The following FEM1C variants were observed in gnomAD, a reference collection of about 807,000 sequenced individuals.
FEM1C encodes the protein protein fem-1 homolog C.
FEM1C carries 15 observed loss-of-function variants against 37.6 expected under a neutral mutation model. The observed-to-expected ratio is 0.40, with a 90% CI of 0.27 to 0.61. The LOEUF is 0.61. Ranked by LOEUF, FEM1C falls within the 20% of genes least tolerant of loss-of-function variation. The probability of loss-of-function intolerance (pLI) is 0.42; values close to 1 mark genes in which losing one functional copy is unlikely to be tolerated. For synonymous variants in FEM1C, 287 were observed against 272.8 expected (o/e 1.05, Z -0.51); for missense variants, 532 against 749.7 (o/e 0.71, Z 3.39).
intron 1 of FEM1C, chr5:115,543,952 C>G (rs1427607773): frequency 5.1e-6 from 5 of 985,294 alleles, no homozygotes; most frequent in Non-Finnish European, 6.0e-6. Flanking sequence ...GCCTCCAGCT[C>G]TAACCAGCCA....
rs1372429157 is a variant in FEM1C at position 115,538,156 on chromosome 5, A to C, written c.544+4794T>G. ...GGGTAATTGTTGAAGTAAGATGATG[A>C]ATACATAGTGGTTCAATGTATTCTC... is the stretch of plus-strand genomic sequence containing the variant. On this transcript the variant is annotated intron_variant, in intron 2 of 2. Coordinates refer to ENST00000274457, the MANE Select transcript of FEM1C (RefSeq NM_020177.3). Among the ~76,000 whole-genome samples, 3 of 152,076 alleles carry C rather than the reference A, an allele frequency of 2.0e-5. No individual in the cohort carries two copies. In the East Asian group the frequency reaches 5.8e-4, roughly 29 times the overall value.
intron 2 of FEM1C, among the ~76,000 whole-genome samples, chr5:115,537,387 G>C (rs905431362): frequency 6.6e-6 from 1 of 152,064 alleles, no homozygotes; most frequent in Non-Finnish European, 1.5e-5. Flanking sequence ...CGAACAATAT[G>C]AACAGCAGTA....
At chr5:115,542,799 A>G in intron 2 of FEM1C, 151 bp downstream of exon 2, 1 of 850,694 alleles carries the variant, frequency 1.2e-6, no homozygotes, top group Non-Finnish European at 1.8e-6. Flanking sequence ...CAAACATCAT[A>G]GAAACACTCA....
rs764284851 is a variant in FEM1C, at chr5:115,525,487, A to T, written c.675T>A (p.Gly225=). ...MTPLLSASVT[G]HTNIVDFLTH... ...TCAGAAAATCCACAATATTTGTGTG[A>T]CCAGTCACACTTGCTGAGAGAAGGG... is the stretch of plus-strand genomic sequence containing the variant. Residue 225 remains glycine, a synonymous_variant, in exon 3 of 3, where the codon GGT becomes GGA. Transcript: ENST00000274457. The T allele has an allele frequency of 6.2e-7, 1 of 1,613,714 alleles. No individual in the cohort carries two copies. The highest frequency in any genetic ancestry group is 8.5e-7 in the Non-Finnish European group (1 of 1,179,798).
At chr5:115,535,284 T>A (rs372819048) in intron 2 of FEM1C, among the ~76,000 whole-genome samples, 11 of 140,008 alleles carry the variant, frequency 7.9e-5, no homozygotes, top group Non-Finnish European at 1.1e-4. Context: ...TCAAAAAAGT[T>A]AAAAAAAAAA....
intron 2 of FEM1C, among the ~76,000 whole-genome samples, chr5:115,534,996 C>T (rs1252728238): frequency 6.6e-6 from 1 of 151,898 alleles, no homozygotes; most frequent in Non-Finnish European, 1.5e-5. Context: ...GGCTAGGTCA[C>T]AGCCCTGTTT....
intron 2 of FEM1C, among the ~76,000 whole-genome samples, chr5:115,529,761 T>G (rs549882818): frequency 2.6e-5 from 4 of 152,090 alleles, no homozygotes; most frequent in Non-Finnish European, 5.9e-5. Flanking sequence ...GATCTCTTTC[T>G]TGTAAAGACA....
intron 2 of FEM1C, among the ~76,000 whole-genome samples, chr5:115,537,831 T>TCAA (rs1304770977): frequency 2.0e-5 from 3 of 152,054 alleles, no homozygotes; most frequent in Non-Finnish European, 2.9e-5. Flanking sequence ...ACTTCAGCTT[T>TCAA]CAACACTCAG....
Position 115,543,450 on chromosome 5 carries a change from T to C in FEM1C, c.44A>G (p.Lys15Arg), listed in dbSNP as rs1461327737. 3 of 1,613,808 alleles carry C rather than the reference T, an allele frequency of 1.9e-6. No individual in the cohort carries two copies. The highest frequency in any genetic ancestry group is 2.5e-6 in the Non-Finnish European group (3 of 1,179,962). Residue 15 changes from lysine to arginine, a missense_variant, in exon 2 of 3, where the codon AAA (lysine) becomes AGA (arginine). Coordinates refer to ENST00000274457, the MANE Select transcript of FEM1C (RefSeq NM_020177.3). ...TAVFNAARDGKLRLLTKLLAS... is the reference protein window; with the variant it reads ...TAVFNAARDGRLRLLTKLLAS... ...CAACAATTTGGTGAGAAGCCGGAGT[T>C]TGCCATCCCGAGCTGCGTTAAATAC...
At chr5:115,525,895 T>G (rs1304834453) in intron 2 of FEM1C, among the ~76,000 whole-genome samples, 1 of 152,180 alleles carries the variant, frequency 6.6e-6, no homozygotes, top group African/African-American at 2.4e-5. Context: ...CTTCGTATTT[T>G]TCATTAATGT....
At chr5:115,532,266 G>A (rs1561558391) in intron 2 of FEM1C, among the ~76,000 whole-genome samples, 2 of 152,038 alleles carry the variant, frequency 1.3e-5, no homozygotes, top group African/African-American at 4.8e-5. Flanking sequence ...AAAGTATACA[G>A]ATCCTATATT....
chr5:115,525,702 A>AAATAC, intron 2 of FEM1C, 85 bp from the exon 3 acceptor site: 1 of 1,115,740 alleles, frequency 9.0e-7, no homozygotes. Context: ...TAGAACCTAA[A>AAATAC]GAAAAGCAGG....
intron 2 of FEM1C, among the ~76,000 whole-genome samples, chr5:115,531,363 C>G (rs1754010931): frequency 6.6e-6 from 1 of 152,148 alleles, no homozygotes; most frequent in Non-Finnish European, 1.5e-5. Context: ...AAAGCACTAT[C>G]TGTGTGGAGA....
At position 115,521,894 on chromosome 5, in the gene FEM1C, T is replaced by G. The variant is rs1396966781; in HGVS notation, c.*2414A>C. ...AATTTTGAGCTATTAAATTAACTGGTTTTTCAAAACCTCCCAATGGCATTT... is the reference window on the plus strand; with the variant it reads ...AATTTTGAGCTATTAAATTAACTGGGTTTTCAAAACCTCCCAATGGCATTT... On this transcript the variant is annotated 3_prime_UTR_variant, in exon 3 of 3. Transcript: ENST00000274457. 1 of 151,752 alleles carries G rather than the reference T, an allele frequency of 6.6e-6. No homozygotes were observed. Among genetic ancestry groups the G allele is most frequent in the African/African-American group, 2.4e-5 (1 of 41,380 alleles). The allele number at this position is 151,752 out of a possible 1,614,324, so 9.4% of individuals were successfully genotyped here. A position where few individuals can be genotyped will look rare whatever the true frequency, so the allele number is the denominator to read the frequency against.
intron 2 of FEM1C, among the ~76,000 whole-genome samples, chr5:115,540,188 G>C (rs924533106): frequency 6.6e-6 from 1 of 152,048 alleles, no homozygotes; most frequent in South Asian, 2.1e-4. Context: ...ATTGGTTCCT[G>C]CTTTTGTTAC....
chr5:115,529,723 G>A (rs1394234338), intron 2 of FEM1C, among the ~76,000 whole-genome samples: 1 of 152,022 alleles, frequency 6.6e-6, no homozygotes, highest in African/African-American at 2.4e-5. Context: ...CGAAATTATG[G>A]AGGGTAATTG....
chr5:115,529,065 C>T (rs949264116), intron 2 of FEM1C, among the ~76,000 whole-genome samples: 1 of 151,936 alleles, frequency 6.6e-6, no homozygotes, highest in Non-Finnish European at 1.5e-5. Context: ...GGAACAACGT[C>T]AGAATATTGT....
At chr5:115,529,079 C>A (rs897491129) in intron 2 of FEM1C, among the ~76,000 whole-genome samples, 1 of 151,970 alleles carries the variant, frequency 6.6e-6, no homozygotes, top group Non-Finnish European at 1.5e-5. Context: ...ATATTGTTAA[C>A]ATACTCAAAA....
chr5:115,536,606 TAGA>T (rs1284671870), intron 2 of FEM1C, among the ~76,000 whole-genome samples: 3 of 151,986 alleles, frequency 2.0e-5, no homozygotes, highest in Admixed American at 6.6e-5. Flanking sequence ...AAAGGAGCAC[TAGA>T]AGAAGGATTC....
Sources: allele counts gnomAD v4.1 joint callset (sites outside exome capture counted in the v4.1 genomes callset), GRCh38; gene constraint gnomAD v4.1.1; transcripts MANE v1.5; gene names NCBI Gene and HGNC (gene_info 2026-07-23, HGNC 2026-07-21).